The following TMPRSS11B variants were observed in gnomAD, a reference collection of about 807,000 sequenced individuals.
TMPRSS11B encodes transmembrane serine protease 11B.
Under a neutral mutation model 44.7 loss-of-function variants are expected in TMPRSS11B, and 53 were observed. The observed-to-expected ratio is 1.19, with a 90% CI of 0.95 to 1.49. The LOEUF (loss-of-function observed/expected upper bound fraction) is 1.49. Among genes scored for constraint, TMPRSS11B ranks in the 40% most tolerant of loss-of-function variants. TMPRSS11B has a pLI of 0.00. For missense variants in TMPRSS11B, 526 were observed against 494.8 expected, an observed-to-expected ratio of 1.06 and a Z score of -0.60; for synonymous variants, 140 against 159.2, an observed-to-expected ratio of 0.88 and a Z score of 0.91.
chr4:68,228,675 T>G, intron 9 of TMPRSS11B, 67 bp downstream of exon 9: 3 of 1,526,958 alleles, frequency 2.0e-6, no homozygotes, highest in Non-Finnish European at 2.6e-6. Context: ...AAAAAAAATT[T>G]TATGTGGATA....
chr4:68,236,271 A>G lies in TMPRSS11B; in HGVS notation c.125-5T>C. On this transcript the variant is annotated splice_region_variant and splice_polypyrimidine_tract_variant and intron_variant, in intron 2 of 9. Transcript: ENST00000332644. ...CTTGATAATAGTAAGTCTTCTCTGC[A>G]AAATTAAGAAAAAAAAACCTCAAAG... The G allele has an allele frequency of 2.6e-6, 4 of 1,544,708 alleles. No homozygotes were observed. The highest frequency in any genetic ancestry group is 3.5e-6 in the Non-Finnish European group (4 of 1,135,164).
At chr4:68,229,537 A>T (rs1342056551) in intron 7 of TMPRSS11B, 21 bp from the exon 8 acceptor site, 1 of 1,600,410 alleles carries the variant, frequency 6.2e-7, no homozygotes, top group East Asian at 2.2e-5. Context: ...CAATGTAATT[A>T]GAATACACTC....
chr4:68,235,056 T>G (rs1719622853), intron 4 of TMPRSS11B, among the ~76,000 whole-genome samples: 1 of 152,204 alleles, frequency 6.6e-6, no homozygotes, highest in Non-Finnish European at 1.5e-5. Context: ...TAGAAGCCAG[T>G]GCTAACCTTC....
At chr4:68,232,524 C>T (rs1719545773) in intron 5 of TMPRSS11B, 108 bp from the exon 6 acceptor site, 2 of 979,910 alleles carry the variant, frequency 2.0e-6, no homozygotes, top group Non-Finnish European at 3.1e-6. Flanking sequence ...TATTGTCCAA[C>T]ATTTAACTAT....
rs949827325 is a variant in TMPRSS11B, at chr4:68,233,006, T to C, written c.470-590A>G. 2.0e-5 allele frequency among the ~76,000 whole-genome samples: 3 copies of C among 152,284 alleles called. No individual in the cohort carries two copies. The East Asian group carries it at 5.8e-4, about 29-fold the overall frequency. On this transcript the variant is annotated intron_variant, in intron 5 of 9. Transcript: ENST00000332644. ...ACTTCACTGAGCCCATCCTGCTCTTTAGGGAAATCTCCTTACTAAGAATGA... is the reference window on the plus strand; with the variant it reads ...ACTTCACTGAGCCCATCCTGCTCTTCAGGGAAATCTCCTTACTAAGAATGA...
At chr4:68,244,596 C>T (rs1379025542) in intron 1 of TMPRSS11B, among the ~76,000 whole-genome samples, 2 of 152,232 alleles carry the variant, frequency 1.3e-5, no homozygotes, top group Non-Finnish European at 2.9e-5. Context: ...CATTGCCATT[C>T]TGGCATAACC....
At chr4:68,228,953 A>T (rs1719431769) in intron 8 of TMPRSS11B, 69 bp from the exon 9 acceptor site, 8 of 1,500,640 alleles carry the variant, frequency 5.3e-6, no homozygotes, top group Non-Finnish European at 7.2e-6. Context: ...ATCTACCTAT[A>T]GCATAAAGCA....
chr4:68,234,877 A>G (rs1214530415), intron 4 of TMPRSS11B, among the ~76,000 whole-genome samples: 1 of 152,236 alleles, frequency 6.6e-6, no homozygotes, highest in East Asian at 1.9e-4. Context: ...ACACTATGGG[A>G]AATGGAATAC....
Position 68,243,484 on chromosome 4 carries a change from G to A in TMPRSS11B, c.9-1680C>T, listed in dbSNP as rs188815321. 1.1e-3 allele frequency among the ~76,000 whole-genome samples: 169 copies of A among 151,784 alleles called. 2 individuals are homozygous for A. Among genetic ancestry groups the A allele is most frequent in the African/African-American group, 3.8e-3 (159 of 41,370 alleles). On this transcript the variant is annotated intron_variant, in intron 1 of 9. Coordinates refer to ENST00000332644, the MANE Select transcript of TMPRSS11B (RefSeq NM_182502.3). ...TTGATGACTTGTTAATTAGTGTTTC[G>A]CAGAACCAACATTATTCATCAAAGC...
At chr4:68,234,363 C>G in intron 5 of TMPRSS11B, 100 bp downstream of exon 5, 1 of 1,297,742 alleles carries the variant, frequency 7.7e-7, no homozygotes, top group Admixed American at 2.3e-5. Flanking sequence ...ATATTTTTTT[C>G]CCGAATTACT....
Position 68,229,400 on chromosome 4 carries a change from T to C in TMPRSS11B, c.803A>G (p.His268Arg), listed in dbSNP as rs1407527798. ...FHENYSSPGL[H>R]DDIALVQLAE... ...AAGCTGCACAAGGGCAATATCATCA[T>C]GAAGCCCAGGACTGCTATAATTTTC... The change falls in exon 8 of 10, where the codon CAT becomes CGT. Residue 268 changes from histidine (H) to arginine (R), a missense_variant. His to Arg is a conservative substitution (Grantham distance 29). Coordinates refer to ENST00000332644, the MANE Select transcript of TMPRSS11B (RefSeq NM_182502.3). The C allele has an allele frequency of 1.9e-6, 3 of 1,614,108 alleles. No individual in the cohort carries two copies. Among genetic ancestry groups the C allele is most frequent in the Non-Finnish European group, 2.5e-6 (3 of 1,179,980 alleles).
intron 7 of TMPRSS11B, among the ~76,000 whole-genome samples, chr4:68,230,914 T>C (rs1553895901): frequency 5.3e-5 from 8 of 152,254 alleles, no homozygotes; most frequent in Non-Finnish European, 1.5e-5. Flanking sequence ...CCATACAGAA[T>C]TGAATGTTGT....
At chr4:68,244,851 C>A (rs955745988) in intron 1 of TMPRSS11B, among the ~76,000 whole-genome samples, 1 of 152,164 alleles carries the variant, frequency 6.6e-6, no homozygotes, top group Non-Finnish European at 1.5e-5. Flanking sequence ...CCTGAATTAT[C>A]TCATATAATG....
At chr4:68,236,306 G>T in intron 2 of TMPRSS11B, 40 bp from the exon 3 acceptor site, 2 of 1,355,768 alleles carry the variant, frequency 1.5e-6, no homozygotes, top group Non-Finnish European at 2.1e-6. Context: ...GAATTTTAAA[G>T]TGGAAAGTGA....
In TMPRSS11B at chr4:68,236,203, T is replaced by G. The variant is rs747022244; in HGVS notation, c.188A>C (p.Glu63Ala). ...ISGVTYNDNC[E>A]NAASQASTNL... The stretch of plus-strand genomic sequence containing the variant: ...TGTGCTGGCTTGTGAAGCTGCGTTT[T>G]CACAATTATCATTGTATGTGACTCC... Residue 63 changes from glutamate (E) to alanine (A), a missense_variant, in exon 3 of 10, where the codon GAA (glutamate) becomes GCA (alanine). Transcript: ENST00000332644. 3.7e-6 allele frequency: 6 copies of G among 1,612,894 alleles called. No homozygotes were observed. In the South Asian group the frequency reaches 5.5e-5, roughly 15 times the overall value.
In TMPRSS11B at chr4:68,234,623, C is replaced by A. The variant is rs766808184; in HGVS notation, c.309G>T (p.Leu103=). The change falls in exon 5 of 10, where the codon CTG becomes CTT. Residue 103 remains leucine, a splice_region_variant and synonymous_variant. Coordinates refer to ENST00000332644, the MANE Select transcript of TMPRSS11B (RefSeq NM_182502.3). Reference sequence around the variant, plus strand: ...GCACATTTGAACCATTGGCATTAGGCCTAGAAACAACAGAAATTTTCTAAT... The same window carrying A: ...GCACATTTGAACCATTGGCATTAGGACTAGAAACAACAGAAATTTTCTAAT... ...EYVKSEVIKL[L]PNANGSNVQL... 1 of 1,612,562 alleles carries A rather than the reference C, an allele frequency of 6.2e-7. No homozygotes were observed. Among genetic ancestry groups the A allele is most frequent in the African/African-American group, 1.3e-5 (1 of 74,958 alleles).
In TMPRSS11B at chr4:68,245,640, G is replaced by A; in HGVS notation, c.-82C>T. On this transcript the variant is annotated 5_prime_UTR_variant, in exon 1 of 10. Coordinates refer to ENST00000332644, the MANE Select transcript of TMPRSS11B (RefSeq NM_182502.3). Reference sequence around the variant, plus strand: ...GATAACGATAACGATGACAATGCTGGTAATAGTGATGACAAAAGTTAGAAC... The same window carrying A: ...GATAACGATAACGATGACAATGCTGATAATAGTGATGACAAAAGTTAGAAC... 6.5e-7 allele frequency: 1 copy of A among 1,527,088 alleles called. No individual in the cohort carries two copies. The highest frequency in any genetic ancestry group is 2.3e-5 in the East Asian group (1 of 44,342). The allele number at this position is 1,527,088 out of a possible 1,614,324, so 94.6% of individuals were successfully genotyped here.
chr4:68,236,346 C>A, intron 2 of TMPRSS11B, 80 bp from the exon 3 acceptor site: 1 of 811,430 alleles, frequency 1.2e-6, no homozygotes, highest in Non-Finnish European at 2.0e-6. Context: ...TCTGCCTCAA[C>A]ATTCCACCCA....
Position 68,236,079 on chromosome 4 carries a change from G to GAA in TMPRSS11B, c.241-12_241-11dup. On this transcript the variant is annotated splice_polypyrimidine_tract_variant and intron_variant, in intron 3 of 9. Transcript: ENST00000332644. ...GAAATGCATTTAACATCTGACAAGA[G>GAA]AAAAAAAACAGTCATCATGTATGTT... 6.3e-7 allele frequency: 1 copy of GAA among 1,581,390 alleles called. No individual in the cohort carries two copies.
Sources: gnomAD v4.1 joint callset for allele counts (sites outside exome capture counted in the v4.1 genomes callset) on GRCh38, gnomAD v4.1.1 for gene constraint, MANE v1.5 for transcripts, NCBI Gene and HGNC (gene_info 2026-07-23, HGNC 2026-07-21) for gene names.